DSC1: variants seen among roughly 807,000 people sequenced by gnomAD.
DSC1 encodes desmocollin 1, also known as desmocollin-1.
DSC1 carries 79 observed loss-of-function variants against 98.8 expected under a neutral mutation model. That is an observed-to-expected ratio of 0.80 (90% CI 0.67 to 0.96). DSC1 has a LOEUF of 0.96. DSC1 is among the 50% of genes least tolerant of loss of function. DSC1 has a pLI of 0.00. For missense variants in DSC1, 1,115 were observed against 1,075.9 expected (o/e 1.04, Z -0.51); for synonymous variants, 405 against 372.1 (o/e 1.09, Z -1.02).
At position 31,134,560 on chromosome 18, in the gene DSC1, A is replaced by G; in HGVS notation, c.1876+12T>C. 6.3e-7 allele frequency: 1 copy of G among 1,590,616 alleles called. No homozygotes were observed. The highest frequency in any genetic ancestry group is 1.3e-5 in the African/African-American group (1 of 74,450). ...GTCCGTATTGACTATAAAATTTAGC[A>G]TGATTACATACCATCCTTTTCTTCT... On this transcript the variant is annotated intron_variant, in intron 12 of 15. Transcript: ENST00000257198.
intron 10 of DSC1, 40 bp from the exon 11 acceptor site, chr18:31,139,930 A>G: frequency 6.3e-7 from 1 of 1,575,670 alleles, no homozygotes; most frequent in Non-Finnish European, 8.6e-7. Flanking sequence ...CAAATCAAAG[A>G]AGGGACATGA....
intron 3 of DSC1, 67 bp downstream of exon 3, chr18:31,157,304 A>C (rs2143931220): frequency 6.7e-7 from 1 of 1,494,654 alleles, no homozygotes; most frequent in South Asian, 1.2e-5. Flanking sequence ...ACGTTAAAAC[A>C]CATGAAACAC....
chr18:31,138,673 C>T (rs1988664225), intron 11 of DSC1, among the ~76,000 whole-genome samples: 1 of 151,388 alleles, frequency 6.6e-6, no homozygotes, highest in South Asian at 2.1e-4. Context: ...CTACTACCAA[C>T]TTATATTAAT....
In DSC1 at chr18:31,141,995, T is replaced by C; in HGVS notation, c.1260+4A>G. ...AGCATAGCCTGATTATTTTATTTGTTTACCTTGACAACACACAGCACTCCT... is the reference window on the plus strand; with the variant it reads ...AGCATAGCCTGATTATTTTATTTGTCTACCTTGACAACACACAGCACTCCT... On this transcript the variant is annotated splice_donor_region_variant and intron_variant, in intron 9 of 15. Transcript: ENST00000257198. 6.3e-7 allele frequency: 1 copy of C among 1,593,472 alleles called. No individual in the cohort carries two copies. Among genetic ancestry groups the C allele is most frequent in the South Asian group, 1.1e-5 (1 of 87,264 alleles).
intron 9 of DSC1, among the ~76,000 whole-genome samples, chr18:31,140,539 C>T (rs749327153): frequency 1.3e-5 from 2 of 152,080 alleles, no homozygotes; most frequent in Non-Finnish European, 2.9e-5. Flanking sequence ...GAAGATCTTG[C>T]CTTCGGCCTT....
intron 5 of DSC1, 88 bp from the exon 6 acceptor site, chr18:31,148,730 TA>T (rs3217442): frequency 0.033 from 34,553 of 1,034,898 alleles, 3 homozygotes; most frequent in South Asian, 0.056. Context: ...AATGTAACAT[TA>T]AAAAAAAAAA....
intron 6 of DSC1, among the ~76,000 whole-genome samples, chr18:31,146,428 T>C (rs147950972): frequency 1.3e-5 from 2 of 152,226 alleles, no homozygotes; most frequent in Admixed American, 6.5e-5. Context: ...TTATTCTTTT[T>C]TATGGCTGCA....
chr18:31,161,435 A>G (rs891184806), intron 1 of DSC1, among the ~76,000 whole-genome samples: 1 of 151,860 alleles, frequency 6.6e-6, no homozygotes, highest in Non-Finnish European at 1.5e-5. Context: ...TCCCACCCCC[A>G]TCTTCTTTCC....
chr18:31,152,597 G>T (rs1989022667), intron 5 of DSC1, among the ~76,000 whole-genome samples: 1 of 152,028 alleles, frequency 6.6e-6, no homozygotes, highest in African/African-American at 2.4e-5. Flanking sequence ...TTACATAGTG[G>T]TATCACTGGT....
Position 31,134,737 on chromosome 18 carries a change from T to A in DSC1, c.1711A>T (p.Asn571Tyr), listed in dbSNP as rs762833159. 3 of 1,613,260 alleles carry A rather than the reference T, an allele frequency of 1.9e-6. No homozygotes were observed. The highest frequency in any genetic ancestry group is 2.5e-6 in the Non-Finnish European group (3 of 1,179,476). ...GTLVVHLDDY[N>Y]DHAPQIDKEV... Reference sequence around the variant, plus strand: ...TTGTCAATTTGAGGTGCGTGATCGTTGTAATCATCCAAATGAACTACTAAT... The same window carrying A: ...TTGTCAATTTGAGGTGCGTGATCGTAGTAATCATCCAAATGAACTACTAAT... The change falls in exon 12 of 16, where the codon AAC (asparagine) becomes TAC (tyrosine). Residue 571 changes from asparagine to tyrosine, a missense_variant. By Grantham distance (143) the Asn-to-Tyr change is moderately radical. Coordinates refer to ENST00000257198, the MANE Select transcript of DSC1 (RefSeq NM_024421.2).
intron 5 of DSC1, 145 bp from the exon 6 acceptor site, chr18:31,148,787 A>G (rs1988901570): frequency 1.4e-6 from 1 of 726,202 alleles, no homozygotes; most frequent in Non-Finnish European, 2.1e-6. Context: ...ATAGAGAGAT[A>G]ACCCACAGAT....
chr18:31,141,177 ATAGT>A (rs1988727070), intron 9 of DSC1, among the ~76,000 whole-genome samples: 1 of 152,182 alleles, frequency 6.6e-6, no homozygotes, highest in African/African-American at 2.4e-5. Flanking sequence ...CCTAAAATGA[ATAGT>A]TAGAAAGAAT....
intron 11 of DSC1, among the ~76,000 whole-genome samples, chr18:31,138,491 A>G (rs1598616097): frequency 6.6e-6 from 1 of 152,116 alleles, no homozygotes; most frequent in African/African-American, 2.4e-5. Context: ...CAGCTTGTCT[A>G]ATACTTAGAA....
intron 13 of DSC1, among the ~76,000 whole-genome samples, chr18:31,133,161 G>A (rs1313858209): frequency 6.6e-6 from 1 of 152,072 alleles, no homozygotes; most frequent in Non-Finnish European, 1.5e-5. Flanking sequence ...CAATGAATTA[G>A]GATACAGTAA....
chr18:31,139,931 A>G lies in DSC1; in HGVS notation c.1521-41T>C, dbSNP rs115804162. 2,576 of 1,575,766 alleles carry G rather than the reference A, an allele frequency of 1.6e-3. 47 individuals carry two copies. The African/African-American group carries it at 0.029, about 18-fold the overall frequency. ...CAAATATGAACGGTCAAATCAAAGA[A>G]GGGACATGATCTTAAAATCTGTCAT... On this transcript the variant is annotated intron_variant, in intron 10 of 15. Coordinates refer to ENST00000257198, the MANE Select transcript of DSC1 (RefSeq NM_024421.2).
At chr18:31,154,209 G>T (rs1989051102) in intron 5 of DSC1, among the ~76,000 whole-genome samples, 1 of 151,560 alleles carries the variant, frequency 6.6e-6, no homozygotes, top group African/African-American at 2.4e-5. Flanking sequence ...AACTTGTTCT[G>T]GGTTACTAAG....
chr18:31,140,347 A>G (rs746168893), intron 9 of DSC1, 46 bp from the exon 10 acceptor site: 5 of 1,525,286 alleles, frequency 3.3e-6, no homozygotes, highest in South Asian at 1.3e-5. Flanking sequence ...AACATTATAT[A>G]TAAGACTTCT....
chr18:31,139,770 A>G lies in DSC1; in HGVS notation c.1641T>C (p.Ile547=), dbSNP rs751679267. 1.2e-6 allele frequency: 2 copies of G among 1,605,808 alleles called. No homozygotes were observed. The highest frequency in any genetic ancestry group is 1.7e-6 in the Non-Finnish European group (2 of 1,177,140). The part of the protein sequence containing the change: ...SKFVKNNQYN[I]SVVAVDAVGR... Reference sequence around the variant, plus strand: ...CACCTGCATCCACTGCAACAACTGAAATATTGTATTGGTTGTTTTTTACAA... The same window carrying G: ...CACCTGCATCCACTGCAACAACTGAGATATTGTATTGGTTGTTTTTTACAA... The change falls in exon 11 of 16, where the codon ATT becomes ATC. Residue 547 remains isoleucine (I), a synonymous_variant. Transcript: ENST00000257198.
intron 4 of DSC1, among the ~76,000 whole-genome samples, chr18:31,155,541 A>G (rs1989079868): frequency 6.6e-6 from 1 of 152,174 alleles, no homozygotes; most frequent in African/African-American, 2.4e-5. Context: ...GAGGCAGGAG[A>G]ATCGCTTGAA....
Sources: gnomAD v4.1 joint callset for allele counts (sites outside exome capture counted in the v4.1 genomes callset) on GRCh38, gnomAD v4.1.1 for gene constraint, MANE v1.5 for transcripts, NCBI Gene and HGNC (gene_info 2026-07-23, HGNC 2026-07-21) for gene names.